KIAA1328: variants seen among roughly 807,000 people sequenced by gnomAD.
KIAA1328 encodes the protein KIAA1328, also known as protein hinderin.
In KIAA1328, 52 loss-of-function variants were observed where a neutral mutation model predicts 68.1. That is an observed-to-expected ratio of 0.76 (90% confidence interval 0.61 to 0.96). The LOEUF is 0.96. Ranked by LOEUF, KIAA1328 falls within the 40% of genes least tolerant of loss-of-function variation. KIAA1328 has a pLI of 0.00. For synonymous variants in KIAA1328, 232 were observed against 239.4 expected, an observed-to-expected ratio of 0.97 and a Z score of 0.28; for missense variants, 641 against 677.6, an observed-to-expected ratio of 0.95 and a Z score of 0.60.
intron 7 of KIAA1328, among the ~76,000 whole-genome samples, chr18:37,134,477 A>C (rs1296458361): frequency 6.6e-6 from 1 of 151,802 alleles, no homozygotes; most frequent in Non-Finnish European, 1.5e-5. Context: ...TATTTCCTAC[A>C]AAAAAAACTT....
intron 6 of KIAA1328, among the ~76,000 whole-genome samples, chr18:36,960,286 A>G (rs2151274200): frequency 6.6e-6 from 1 of 152,340 alleles, no homozygotes; most frequent in African/African-American, 2.4e-5. Context: ...AGGCTTCAGT[A>G]GGTAAACAGT....
intron 6 of KIAA1328, among the ~76,000 whole-genome samples, chr18:36,970,012 A>C (rs2052116470): frequency 6.6e-6 from 1 of 152,202 alleles, no homozygotes; most frequent in Admixed American, 6.5e-5. Context: ...AAAAAATGAA[A>C]ATTTCAGGCC....
chr18:36,835,252 A>G lies in KIAA1328; in HGVS notation c.113A>G (p.Asn38Ser). The G allele has an allele frequency of 6.2e-7, 1 of 1,611,344 alleles. No homozygotes were observed. Among genetic ancestry groups the G allele is most frequent in the South Asian group, 1.1e-5 (1 of 90,414 alleles). ...VYVPGISAEGNVRSRHKLMSP... is the reference protein window; with the variant it reads ...VYVPGISAEGSVRSRHKLMSP... ...TCCTTAGGAATTTCTGCTGAAGGAA[A>G]TGTCAGATCAAGACACAAGCTGATG... The change falls in exon 3 of 10, where the codon AAT becomes AGT. Residue 38 changes from asparagine to serine, a missense_variant. By Grantham distance (46) the Asn-to-Ser change is conservative. Transcript: ENST00000280020.
chr18:37,104,193 G>A (rs986070263), intron 7 of KIAA1328, among the ~76,000 whole-genome samples: 1 of 152,124 alleles, frequency 6.6e-6, no homozygotes, highest in Non-Finnish European at 1.5e-5. Context: ...AAGGAAATCA[G>A]TTATCAAAGA....
rs142589160 is a variant in KIAA1328, at chr18:37,018,490, T to G, written c.577-48400T>G. Among the ~76,000 whole-genome samples, 319 of 152,358 alleles carry G rather than the reference T, an allele frequency of 2.1e-3. 2 individuals are homozygous for G. Among genetic ancestry groups the G allele is most frequent in the Middle Eastern group, 0.017 (5 of 294 alleles). ...TCTTCCAGGTGATCTCTGGATTTCTTGTCTGCATGTCTACCTTTCTGGCAT... is the reference window on the plus strand; with the variant it reads ...TCTTCCAGGTGATCTCTGGATTTCTGGTCTGCATGTCTACCTTTCTGGCAT... On this transcript the variant is annotated intron_variant, in intron 6 of 9. Coordinates refer to ENST00000280020, the MANE Select transcript of KIAA1328 (RefSeq NM_020776.3).
intron 8 of KIAA1328, among the ~76,000 whole-genome samples, chr18:37,162,578 C>T (rs922030133): frequency 6.6e-6 from 1 of 152,122 alleles, no homozygotes; most frequent in Middle Eastern, 3.2e-3. Context: ...TATAAACTTT[C>T]CATGGATGCA....
At chr18:37,190,367 C>T (rs1293152423) in intron 9 of KIAA1328, among the ~76,000 whole-genome samples, 3 of 152,126 alleles carry the variant, frequency 2.0e-5, no homozygotes, top group South Asian at 2.1e-4. Context: ...AAAAATGACT[C>T]CTACCTGTAT....
chr18:36,854,709 G>A (rs2047327044), intron 4 of KIAA1328, among the ~76,000 whole-genome samples: 1 of 151,960 alleles, frequency 6.6e-6, no homozygotes, highest in East Asian at 1.9e-4. Context: ...AAGTACACAA[G>A]GCAGTGGCAT....
intron 5 of KIAA1328, chr18:36,895,626 A>G: frequency 5.4e-6 from 2 of 371,340 alleles, no homozygotes; most frequent in Admixed American, 2.8e-5. Context: ...TTTGCCTGCT[A>G]TTCTGGGCTT....
intron 9 of KIAA1328, among the ~76,000 whole-genome samples, chr18:37,198,245 A>G (rs963113229): frequency 6.6e-6 from 1 of 152,178 alleles, no homozygotes; most frequent in Non-Finnish European, 1.5e-5. Flanking sequence ...AAAATGTTCT[A>G]AAATTAGATT....
Position 37,172,991 on chromosome 18 carries a change from G to A in KIAA1328, c.1433G>A (p.Arg478Lys), listed in dbSNP as rs571787420. The stretch of plus-strand genomic sequence containing the variant: ...CATATAGGGACAGTGACAGGAGTTA[G>A]AAAAGATGCGTCTACATCTCCTATG... ...RPQRGTVTGV[R>K]KDASTSPMPT... is the part of the protein sequence containing the mutation. The change falls in exon 9 of 10, where the codon AGA becomes AAA. Residue 478 changes from arginine (R) to lysine (K), a missense_variant. Arg to Lys is a conservative substitution (Grantham distance 26). Transcript: ENST00000280020. The A allele has an allele frequency of 9.9e-6, 16 of 1,612,650 alleles. No individual in the cohort carries two copies. Among genetic ancestry groups the A allele is most frequent in the African/African-American group, 1.3e-5 (1 of 74,996 alleles).
intron 8 of KIAA1328, among the ~76,000 whole-genome samples, chr18:37,164,454 A>G (rs1188243125): frequency 6.6e-6 from 1 of 152,192 alleles, no homozygotes; most frequent in African/African-American, 2.4e-5. Context: ...GGCTCTTAAA[A>G]ATAGCACTGG....
At chr18:37,174,815 G>T (rs748638906) in intron 9 of KIAA1328, among the ~76,000 whole-genome samples, 12 of 151,878 alleles carry the variant, frequency 7.9e-5, no homozygotes, top group African/African-American at 1.2e-4. Flanking sequence ...GGATGGTCTT[G>T]ATCTCCTGAC....
intron 5 of KIAA1328, among the ~76,000 whole-genome samples, chr18:36,921,608 G>T (rs1454170044): frequency 1.3e-5 from 2 of 152,028 alleles, no homozygotes; most frequent in Non-Finnish European, 2.9e-5. Context: ...GTTTCACTGT[G>T]TTAGCCAGGA....
chr18:37,071,117 T>C (rs928688030), intron 7 of KIAA1328, among the ~76,000 whole-genome samples: 11 of 144,122 alleles, frequency 7.6e-5, no homozygotes, highest in African/African-American at 2.8e-4. Flanking sequence ...TTGCCCATGC[T>C]GGAGTGCAGT....
At chr18:37,123,572 G>T (rs1272535289) in intron 7 of KIAA1328, among the ~76,000 whole-genome samples, 1 of 152,132 alleles carries the variant, frequency 6.6e-6, no homozygotes, top group Non-Finnish European at 1.5e-5. Flanking sequence ...TCAAAGAACA[G>T]TAAGAATACA....
chr18:36,919,034 G>A (rs1169459626), intron 5 of KIAA1328, among the ~76,000 whole-genome samples: 1 of 152,094 alleles, frequency 6.6e-6, no homozygotes, highest in African/African-American at 2.4e-5. Flanking sequence ...ATATTTTACA[G>A]CTGTTGGGGT....
At chr18:37,080,099 G>A (rs2056899395) in intron 7 of KIAA1328, among the ~76,000 whole-genome samples, 1 of 152,102 alleles carries the variant, frequency 6.6e-6, no homozygotes, top group African/African-American at 2.4e-5. Flanking sequence ...GAGAATGCCT[G>A]TTTTCTGTCA....
chr18:36,865,104 T>G (rs1044850043), intron 4 of KIAA1328, among the ~76,000 whole-genome samples: 2 of 152,004 alleles, frequency 1.3e-5, no homozygotes, highest in African/African-American at 4.8e-5. Context: ...CTTATTTTCC[T>G]CTTCTTTTTT....
Sources: allele counts gnomAD v4.1 joint callset (sites outside exome capture counted in the v4.1 genomes callset), GRCh38; gene constraint gnomAD v4.1.1; transcripts MANE v1.5; gene names NCBI Gene and HGNC (gene_info 2026-07-23, HGNC 2026-07-21).